Variants in GRB10 observed in about 807,000 individuals in gnomAD.
The protein encoded by GRB10 is growth factor receptor bound protein 10.
GRB10 carries 20 observed loss-of-function variants against 80.9 expected under a neutral mutation model. The ratio of observed to expected loss-of-function variants is 0.25; its 90% CI spans 0.17 to 0.36. The LOEUF is 0.36. Ranked by LOEUF, GRB10 falls within the 10% of genes least tolerant of loss-of-function variation. The pLI is 1.00. For synonymous variants in GRB10, 291 were observed against 291.5 expected (o/e 1.00, Z 0.02); for missense variants, 548 against 747.7 (o/e 0.73, Z 3.12).
At chr7:50,675,398 T>C (rs886821) in intron 5 of GRB10, among the ~76,000 whole-genome samples, 136,071 of 152,322 alleles carry the variant, frequency 0.89, 60,872 homozygotes, top group East Asian at 0.96. Flanking sequence ...CAGTGATGGT[T>C]GGTTTTATGT....
chr7:50,643,465 G>A (rs1490342204), intron 7 of GRB10, among the ~76,000 whole-genome samples: 2 of 152,160 alleles, frequency 1.3e-5, no homozygotes, highest in Admixed American at 1.3e-4. Context: ...AAAGGCTGAG[G>A]AACACTCTGT....
intron 2 of GRB10, among the ~76,000 whole-genome samples, chr7:50,764,543 C>T (rs751672875): frequency 6.6e-5 from 10 of 152,276 alleles, no homozygotes; most frequent in East Asian, 1.9e-4. Flanking sequence ...CTGGAAGGCA[C>T]GCAAAAGCTC....
At position 50,632,289 on chromosome 7, in the gene GRB10, TA is replaced by T. The variant is rs1016632330; in HGVS notation, c.505-5312del. ...TCAATTATAGTGACTCAAACCTACT[TA>T]AAAAAAATGTGCTTAATAGCCTGCA... is the stretch of plus-strand genomic sequence containing the variant. On this transcript the variant is annotated intron_variant, in intron 7 of 18. Coordinates refer to ENST00000401949, the MANE Select transcript of GRB10 (RefSeq NM_001350814.2). 1.9e-4 allele frequency among the ~76,000 whole-genome samples: 29 copies of T among 152,136 alleles called. 1 individual carries two copies. Among genetic ancestry groups the T allele is most frequent in the African/African-American group, 3.6e-4 (15 of 41,514 alleles).
chr7:50,651,825 G>C (rs1377787266), intron 7 of GRB10, among the ~76,000 whole-genome samples: 1 of 152,198 alleles, frequency 6.6e-6, no homozygotes, highest in African/African-American at 2.4e-5. Context: ...CATGACAGTA[G>C]CTTTATAACA....
At chr7:50,673,314 G>A (rs1481892640) in intron 6 of GRB10, among the ~76,000 whole-genome samples, 4 of 152,150 alleles carry the variant, frequency 2.6e-5, no homozygotes, top group Non-Finnish European at 5.9e-5. Flanking sequence ...ACGCCATCCC[G>A]ACTGCGACAG....
At chr7:50,619,473 T>C (rs1202585228) in intron 8 of GRB10, among the ~76,000 whole-genome samples, 188 bp from the exon 9 acceptor site, 1 of 152,268 alleles carries the variant, frequency 6.6e-6, no homozygotes, top group African/African-American at 2.4e-5. Context: ...GGTCTTAAGA[T>C]ATACAGCATG....
intron 17 of GRB10, among the ~76,000 whole-genome samples, chr7:50,601,434 T>G (rs1168959247): frequency 6.6e-6 from 1 of 152,198 alleles, no homozygotes; most frequent in East Asian, 1.9e-4. Context: ...CCCAGCAGTT[T>G]GGTGACAGAA....
intron 1 of GRB10, among the ~76,000 whole-genome samples, chr7:50,791,948 C>T (rs933156675): frequency 2.6e-5 from 4 of 152,206 alleles, no homozygotes; most frequent in Non-Finnish European, 2.9e-5. Context: ...TTGATTCTAA[C>T]TCTTTCCTCC....
intron 4 of GRB10, among the ~76,000 whole-genome samples, chr7:50,717,234 GA>G (rs1357134644): frequency 2.6e-5 from 4 of 152,216 alleles, no homozygotes; most frequent in Non-Finnish European, 5.9e-5. Context: ...CAGAAACACA[GA>G]AAGTCTTCAC....
At chr7:50,623,560 C>T (rs2052295926) in intron 8 of GRB10, among the ~76,000 whole-genome samples, 1 of 152,186 alleles carries the variant, frequency 6.6e-6, no homozygotes. Flanking sequence ...CTGTTGCTGC[C>T]AATGGAGGGT....
chr7:50,769,582 C>A (rs1344648296), intron 2 of GRB10, among the ~76,000 whole-genome samples: 2 of 152,194 alleles, frequency 1.3e-5, no homozygotes, highest in African/African-American at 2.4e-5. Context: ...GTTTTGTGCA[C>A]CCTGTACCCC....
intron 13 of GRB10, among the ~76,000 whole-genome samples, chr7:50,607,228 G>A (rs2048702046): frequency 6.6e-6 from 1 of 152,198 alleles, no homozygotes; most frequent in Admixed American, 6.5e-5. Context: ...ATTTTATGCA[G>A]TTCTGAGGTA....
chr7:50,784,609 A>G (rs1386835467), upstream of GRB10, among the ~76,000 whole-genome samples: 1 of 152,266 alleles, frequency 6.6e-6, no homozygotes, highest in Non-Finnish European at 1.5e-5. Context: ...ATGTGGGAAG[A>G]GCAAGAGAGA....
At chr7:50,610,530 C>T (rs539082149) in intron 13 of GRB10, among the ~76,000 whole-genome samples, 118 of 152,310 alleles carry the variant, frequency 7.7e-4, no homozygotes, top group African/African-American at 2.7e-3. Context: ...TCAGAACTCA[C>T]GGCAGCTTCC....
chr7:50,612,083 C>T (rs2049640082), intron 13 of GRB10, among the ~76,000 whole-genome samples: 1 of 152,226 alleles, frequency 6.6e-6, no homozygotes. Context: ...GGGCATTACT[C>T]TATATGCAGT....
At chr7:50,635,356 C>T (rs1312458703) in intron 7 of GRB10, among the ~76,000 whole-genome samples, 2 of 151,922 alleles carry the variant, frequency 1.3e-5, no homozygotes, top group African/African-American at 4.8e-5. Context: ...ATATCAACAC[C>T]TCTGGAATAC....
At chr7:50,714,842 G>A (rs944216687) in intron 4 of GRB10, among the ~76,000 whole-genome samples, 7 of 152,178 alleles carry the variant, frequency 4.6e-5, no homozygotes, top group Admixed American at 1.3e-4. Flanking sequence ...AACCATGTGC[G>A]GCTGTGAGAG....
intron 8 of GRB10, among the ~76,000 whole-genome samples, chr7:50,624,367 G>T (rs1255415819): frequency 6.6e-6 from 1 of 152,216 alleles, no homozygotes; most frequent in African/African-American, 2.4e-5. Flanking sequence ...TTCCAACGGG[G>T]ATAAAGCTGA....
intron 14 of GRB10, 130 bp from the exon 15 acceptor site, chr7:50,605,536 C>A: frequency 1.2e-6 from 1 of 808,986 alleles, no homozygotes. Context: ...CTGAACTCCC[C>A]AAGTTTCAGG....
Sources: gnomAD v4.1 joint callset for allele counts (sites outside exome capture counted in the v4.1 genomes callset) on GRCh38, gnomAD v4.1.1 for gene constraint, MANE v1.5 for transcripts, NCBI Gene and HGNC (gene_info 2026-07-23, HGNC 2026-07-21) for gene names.